The following IGFN1 variants were observed in gnomAD, a reference collection of about 807,000 sequenced individuals.
IGFN1 encodes immunoglobulin like and fibronectin type III domain containing 1, also known as immunoglobulin-like and fibronectin type III domain-containing protein 1.
A neutral mutation model predicts 289.5 loss-of-function variants in IGFN1; 253 were observed. That is an observed-to-expected ratio of 0.87 (90% CI 0.79 to 0.97). The LOEUF (loss-of-function observed/expected upper bound fraction) is 0.97, where lower values mean the gene tolerates loss of function less well. Ranked by LOEUF, IGFN1 falls within the 50% of genes least tolerant of loss-of-function variation. The pLI is 0.00. For synonymous variants in IGFN1, 1,706 were observed against 1,788.5 expected (o/e 0.95, Z 1.16); for missense variants, 4,470 against 4,686.1 (o/e 0.95, Z 1.35).
intron 4 of IGFN1, among the ~76,000 whole-genome samples, chr1:201,196,997 A>T (rs532419692): frequency 1.7e-4 from 26 of 152,302 alleles, no homozygotes; most frequent in African/African-American, 6.3e-4. Flanking sequence ...CACTCTTTCT[A>T]CTTCGCTACA....
chr1:201,211,430 G>A lies in IGFN1; in HGVS notation c.6537G>A (p.Arg2179=), dbSNP rs1667787927. ...EMGSMDEAGY[R]KDLGAPEGMG... ...GGTCAATGGATGAGGCAGGTTATAGGAAGGATTTGGGAGCTCCTGAGGGAA... is the reference window on the plus strand; with the variant it reads ...GGTCAATGGATGAGGCAGGTTATAGAAAGGATTTGGGAGCTCCTGAGGGAA... Residue 2179 remains arginine, a synonymous_variant, in exon 12 of 24, where the codon AGG becomes AGA. Transcript: ENST00000335211. 8 of 1,500,800 alleles carry A rather than the reference G, an allele frequency of 5.3e-6. No homozygotes were observed. Among genetic ancestry groups the A allele is most frequent in the Admixed American group, 4.1e-5 (2 of 48,894 alleles). The allele number at this position is 1,500,800 out of a possible 1,614,324, so 93.0% of individuals were successfully genotyped here.
At chr1:201,204,164 T>C (rs1311111280) in intron 10 of IGFN1, among the ~76,000 whole-genome samples, 2 of 152,220 alleles carry the variant, frequency 1.3e-5, no homozygotes, top group Non-Finnish European at 2.9e-5. Flanking sequence ...GTGTCATGCC[T>C]CTGCTTAGAC....
chr1:201,202,715 TCCTCCCTCCCTC>T (rs1215808267), intron 9 of IGFN1, among the ~76,000 whole-genome samples: 19 of 93,382 alleles, frequency 2.0e-4, no homozygotes, highest in African/African-American at 6.9e-4. Context: ...CTTTCTTTCT[TCCTCCCTCCCTC>T]CCTCCCTCCC....
intron 18 of IGFN1, 49 bp downstream of exon 18, chr1:201,218,707 G>C: frequency 6.4e-7 from 1 of 1,559,954 alleles, no homozygotes. Flanking sequence ...GCATGGGATA[G>C]CCCTGAAGCT....
At position 201,228,757 on chromosome 1, in the gene IGFN1, G is replaced by A. The variant is rs41304554; in HGVS notation, c.*358G>A. The stretch of plus-strand genomic sequence containing the variant: ...CCTGGGCTGAGCCGTTTGGAGGGAG[G>A]GTGGGCACAGCTGGGCCTGCTGTGA... On this transcript the variant is annotated 3_prime_UTR_variant, in exon 24 of 24. Coordinates refer to ENST00000335211, the MANE Select transcript of IGFN1 (RefSeq NM_001164586.2). The A allele has an allele frequency of 6.3e-4, 192 of 303,128 alleles. No homozygotes were observed. The highest frequency in any genetic ancestry group is 1.3e-3 in the Admixed American group (30 of 22,372). The allele number at this position is 303,128 out of a possible 1,614,324, so 18.8% of individuals were successfully genotyped here. A position where few individuals can be genotyped will look rare whatever the true frequency, so the allele number is the denominator to read the frequency against.
chr1:201,198,017 A>G (rs1050970116), intron 5 of IGFN1, among the ~76,000 whole-genome samples: 17 of 152,174 alleles, frequency 1.1e-4, no homozygotes, highest in Non-Finnish European at 1.9e-4. Flanking sequence ...TGCCATCCTT[A>G]GCAGATTGGC....
intron 22 of IGFN1, among the ~76,000 whole-genome samples, chr1:201,226,600 A>G (rs1295178323): frequency 2.0e-5 from 3 of 152,230 alleles, no homozygotes; most frequent in African/African-American, 7.2e-5. Context: ...ATCTATAGGT[A>G]GTGAGATTAT....
intron 10 of IGFN1, among the ~76,000 whole-genome samples, chr1:201,204,192 T>C (rs1667294168): frequency 1.3e-5 from 2 of 152,232 alleles, no homozygotes; most frequent in Non-Finnish European, 2.9e-5. Flanking sequence ...AGCCATCAAT[T>C]ATTTTCAGAT....
rs148033484 is a variant in IGFN1, at chr1:201,215,734, G to A, written c.9191G>A (p.Arg3064Gln). Residue 3064 changes from arginine to glutamine, a missense_variant, in exon 15 of 24, where the codon CGG (arginine) becomes CAG (glutamine). Around this residue, in one of 8 missense-constraint regions of IGFN1, gnomAD observed 2,218 missense variants for 2,114.1 expected, o/e 1.05. Transcript: ENST00000335211. ...AQVDLGDGYT[R>Q]LCLPSAGRKD... is the part of the protein sequence containing the mutation. ...GTGGACCTGGGGGATGGCTACACGC[G>A]GCTGTGCCTCCCCAGCGCAGGCAGG... 7.4e-5 allele frequency: 120 copies of A among 1,611,504 alleles called. No individual in the cohort carries two copies. The highest frequency in any genetic ancestry group is 1.7e-4 in the South Asian group (15 of 90,696).
At chr1:201,227,591 C>A (rs943941580) in intron 23 of IGFN1, among the ~76,000 whole-genome samples, 5 of 151,816 alleles carry the variant, frequency 3.3e-5, no homozygotes, top group Non-Finnish European at 7.4e-5. Context: ...CCACACCTGG[C>A]GGATTTTTTT....
At chr1:201,222,543 C>A in intron 19 of IGFN1, 196 bp from the exon 20 acceptor site, 1 of 475,382 alleles carries the variant, frequency 2.1e-6, no homozygotes, top group Non-Finnish European at 3.8e-6. Context: ...AGCATCTCCC[C>A]ATCAGCCCCT....
At position 201,213,074 on chromosome 1, in the gene IGFN1, A is replaced by G. The variant is rs893143077; in HGVS notation, c.8181A>G (p.Pro2727=). 5.8e-6 allele frequency: 9 copies of G among 1,551,518 alleles called. No homozygotes were observed. The highest frequency in any genetic ancestry group is 7.8e-6 in the Non-Finnish European group (9 of 1,146,974). Residue 2727 remains proline (P), a synonymous_variant, in exon 12 of 24, where the codon CCA becomes CCG. Transcript: ENST00000335211. Reference sequence around the variant, plus strand: ...CTGAGTGGGGGAATGCCCTCACCCCAAAACCTGGGGAGTCCGGACCTCAGG... The same window carrying G: ...CTGAGTGGGGGAATGCCCTCACCCCGAAACCTGGGGAGTCCGGACCTCAGG... ...NSTEWGNALT[P]KPGESGPQGA... is the part of the protein sequence containing the mutation.
In IGFN1 at chr1:201,206,520, C is replaced by G. The variant is rs10920143; in HGVS notation, c.1627C>G (p.Arg543Gly). ...CCTCCCAGAAAAACAACAGCAAGAT[C>G]GTGGCAGAGACAGCAACAGTGATGA... Reference protein sequence around the residue: ...LGLPEKQQQDRGRDSNSDECW... With the variant: ...LGLPEKQQQDGGRDSNSDECW... Residue 543 changes from arginine (R) to glycine (G), a missense_variant, in exon 12 of 24, where the codon CGT becomes GGT. Arg to Gly is a moderately radical substitution (Grantham distance 125). Around this residue, in one of 8 missense-constraint regions of IGFN1, gnomAD observed 2,011 missense variants for 1,953.4 expected, o/e 1.03. Transcript: ENST00000335211. 2.0e-3 allele frequency: 3,080 copies of G among 1,551,176 alleles called. 62 individuals are homozygous for G. The African/African-American group carries it at 0.037, about 19-fold the overall frequency.
chr1:201,193,717 G>T (rs1666762743), intron 2 of IGFN1, among the ~76,000 whole-genome samples: 1 of 152,204 alleles, frequency 6.6e-6, no homozygotes, highest in Admixed American at 6.5e-5. Flanking sequence ...CTCCGAAAGT[G>T]CTGGGATTAC....
Position 201,208,319 on chromosome 1 carries a change from A to C in IGFN1, c.3426A>C (p.Glu1142Asp). The change falls in exon 12 of 24, where the codon GAA becomes GAC. Residue 1142 changes from glutamate to aspartate, a missense_variant. This residue lies in a region of IGFN1 where 2,011 missense variants were observed against 1,953.4 expected (regional missense o/e 1.03). Transcript: ENST00000335211. The part of the protein sequence containing the change: ...ALGAFGEGGY[E>D]DGSGGPGAMG... ...GGGCCTTTGGAGAAGGAGGCTATGA[A>C]GATGGCTCTGGGGGTCCAGGAGCCA... The C allele has an allele frequency of 6.6e-7, 1 of 1,514,450 alleles. No individual in the cohort carries two copies. The highest frequency in any genetic ancestry group is 1.2e-5 in the South Asian group (1 of 80,104). 93.8% of individuals were successfully genotyped at this position (1,514,450 alleles called of 1,614,324 possible). A position where few individuals can be genotyped will look rare whatever the true frequency, so the allele number is the denominator to read the frequency against.
chr1:201,205,886 G>A (rs1368286691), intron 11 of IGFN1, among the ~76,000 whole-genome samples, 197 bp from the exon 12 acceptor site: 2 of 152,184 alleles, frequency 1.3e-5, no homozygotes, highest in Non-Finnish European at 2.9e-5. Flanking sequence ...GGTGGTGATG[G>A]GATTCACCCA....
intron 18 of IGFN1, among the ~76,000 whole-genome samples, chr1:201,220,047 TTC>T (rs556190163): frequency 2.2e-3 from 238 of 108,980 alleles, no homozygotes; most frequent in African/African-American, 8.7e-3. Context: ...TCTTCTTTCT[TTC>T]TCTTTCTGTT....
intron 23 of IGFN1, among the ~76,000 whole-genome samples, chr1:201,228,129 T>A (rs998515637): frequency 6.6e-6 from 1 of 152,188 alleles, no homozygotes; most frequent in Non-Finnish European, 1.5e-5. Context: ...AGGAAGCCAC[T>A]CTCGAAACAC....
At chr1:201,204,785 C>T (rs143681546) in intron 10 of IGFN1, among the ~76,000 whole-genome samples, 4 of 152,276 alleles carry the variant, frequency 2.6e-5, no homozygotes, top group African/African-American at 9.6e-5. Flanking sequence ...GATAAACTAC[C>T]GGCTCTTAGC....
Sources: allele counts gnomAD v4.1 joint callset (sites outside exome capture counted in the v4.1 genomes callset), GRCh38; gene constraint gnomAD v4.1.1; regional missense constraint gnomAD v4.1.1; transcripts MANE v1.5; gene names NCBI Gene and HGNC (gene_info 2026-07-23, HGNC 2026-07-21).